The following PTPN3 variants were observed in gnomAD, a reference collection of about 807,000 sequenced individuals.
The protein encoded by PTPN3 is protein tyrosine phosphatase non-receptor type 3.
Under a neutral mutation model 132.7 loss-of-function variants are expected in PTPN3, and 96 were observed. That is an observed-to-expected ratio of 0.72 (90% CI 0.61 to 0.86). The LOEUF (loss-of-function observed/expected upper bound fraction) is 0.86, where lower values mean the gene tolerates loss of function less well. PTPN3 is among the 40% of genes least tolerant of loss of function. PTPN3 has a pLI of 0.00. For missense variants in PTPN3, 1,125 were observed against 1,159.6 expected (o/e 0.97, Z 0.43); for synonymous variants, 398 against 429.0 (o/e 0.93, Z 0.89).
chr9:109,488,074 C>CG (rs1158831319), intron 1 of PTPN3, among the ~76,000 whole-genome samples: 2 of 140,404 alleles, frequency 1.4e-5, no homozygotes, highest in Non-Finnish European at 3.1e-5. Context: ...TGTGTGGGGT[C>CG]GGGGGGAGGA....
chr9:109,519,538 T>C, the PTPN3 span, among the ~76,000 whole-genome samples: 1 of 152,212 alleles, frequency 6.6e-6, no homozygotes, highest in African/African-American at 2.4e-5. Context: ...ATGAGGAAAC[T>C]GTGGCCCAGG....
the PTPN3 span, chr9:109,533,307 G>A: frequency 7.2e-6 from 3 of 414,876 alleles, no homozygotes; most frequent in East Asian, 5.5e-5. Flanking sequence ...ACCGCGCCCG[G>A]CTAATTTTTT....
chr9:109,534,160 G>A, the PTPN3 span: 4 of 864,938 alleles, frequency 4.6e-6, no homozygotes, highest in Admixed American at 5.1e-5. Context: ...CAAAACCTTC[G>A]TTGCGATGAC....
At chr9:109,500,563 A>G (rs542585670), upstream of PTPN3, among the ~76,000 whole-genome samples, 1 of 152,170 alleles carries the variant, frequency 6.6e-6, no homozygotes, top group Admixed American at 6.5e-5. Flanking sequence ...AATAATAACT[A>G]TCTTACACTA....
At chr9:109,380,465 A>G (rs998924077) in intron 25 of PTPN3, among the ~76,000 whole-genome samples, 6 of 152,204 alleles carry the variant, frequency 3.9e-5, no homozygotes, top group Non-Finnish European at 8.8e-5. Flanking sequence ...TATGTTAGCC[A>G]GGCTGGTCTT....
At chr9:109,505,434 G>A in the PTPN3 span, among the ~76,000 whole-genome samples, 1 of 152,062 alleles carries the variant, frequency 6.6e-6, no homozygotes. Flanking sequence ...CACCACACCT[G>A]GCTAATTTTT....
chr9:109,534,249 G>C, the PTPN3 span: 3 of 1,506,046 alleles, frequency 2.0e-6, no homozygotes, highest in Non-Finnish European at 2.7e-6. Flanking sequence ...CCGTAGTGCC[G>C]GGCGTGGTGT....
chr9:109,494,251 G>A (rs1847584128), intron 1 of PTPN3, among the ~76,000 whole-genome samples: 1 of 152,220 alleles, frequency 6.6e-6, no homozygotes, highest in African/African-American at 2.4e-5. Flanking sequence ...CAGGAGGACT[G>A]TTTGAGCCCA....
At chr9:109,468,313 T>C (rs1034422276) in intron 1 of PTPN3, among the ~76,000 whole-genome samples, 1 of 152,230 alleles carries the variant, frequency 6.6e-6, no homozygotes, top group Admixed American at 6.5e-5. Context: ...AGCTTTAGAA[T>C]GTTTTAAACA....
chr9:109,491,753 C>A (rs1296981858), intron 1 of PTPN3, among the ~76,000 whole-genome samples: 1 of 152,184 alleles, frequency 6.6e-6, no homozygotes, highest in African/African-American at 2.4e-5. Flanking sequence ...AGCTGAGACC[C>A]ACAGGATGAA....
the PTPN3 span, among the ~76,000 whole-genome samples, chr9:109,526,836 G>A: frequency 4.6e-5 from 7 of 152,138 alleles, no homozygotes; most frequent in Middle Eastern, 3.2e-3. Flanking sequence ...AAAGGAAATA[G>A]AATAGAGATT....
intron 21 of PTPN3, among the ~76,000 whole-genome samples, chr9:109,390,774 T>A (rs1378653029): frequency 1.3e-5 from 2 of 152,048 alleles, no homozygotes; most frequent in Non-Finnish European, 2.9e-5. Context: ...ATTTTTTTTT[T>A]AAGGCAGGAT....
chr9:109,388,458 G>A (rs76291262), intron 22 of PTPN3, among the ~76,000 whole-genome samples: 2,591 of 152,242 alleles, frequency 0.017, 69 homozygotes, highest in African/African-American at 0.06. Flanking sequence ...AGAAAGAAAG[G>A]GCTGGGAAAC....
intron 14 of PTPN3, among the ~76,000 whole-genome samples, chr9:109,411,901 G>C (rs967518833): frequency 2.0e-5 from 3 of 152,176 alleles, no homozygotes; most frequent in East Asian, 3.9e-4. Context: ...TGGCTGGTTG[G>C]GGGTAGGGTG....
At chr9:109,400,301 A>G (rs1840981339) in intron 19 of PTPN3, among the ~76,000 whole-genome samples, 2 of 152,186 alleles carry the variant, frequency 1.3e-5, no homozygotes, top group Non-Finnish European at 2.9e-5. Flanking sequence ...ATAAATAATA[A>G]CAGCTATTAC....
chr9:109,392,963 A>G (rs1227753087), intron 19 of PTPN3: 1 of 152,202 alleles, frequency 6.6e-6, no homozygotes, highest in South Asian at 2.1e-4. Context: ...GAAGATAGTA[A>G]GTATTCCTTA....
rs34232860 is a variant in PTPN3 at position 109,471,671 on chromosome 9, CT to C, written c.-17-8221del. ...GGTTTTACTTGTCATATGGAAGGCA[CT>C]TTTTTTTTTTTTAAAGAGACAGGGT... On this transcript the variant is annotated intron_variant, in intron 1 of 25. Coordinates refer to ENST00000374541, the MANE Select transcript of PTPN3 (RefSeq NM_002829.4). 8.7e-3 allele frequency among the ~76,000 whole-genome samples: 1,288 copies of C among 147,336 alleles called. 9 individuals are homozygous for C. Among genetic ancestry groups the C allele is most frequent in the African/African-American group, 0.029 (1,151 of 40,184 alleles).
chr9:109,479,262 C>A (rs57161772), intron 1 of PTPN3, among the ~76,000 whole-genome samples: 2 of 152,328 alleles, frequency 1.3e-5, no homozygotes, highest in African/African-American at 4.8e-5. Flanking sequence ...AGTCTAGATA[C>A]ATCAGTGGAA....
intron 1 of PTPN3, among the ~76,000 whole-genome samples, chr9:109,481,430 C>G (rs1846953591): frequency 6.6e-6 from 1 of 152,190 alleles, no homozygotes; most frequent in Admixed American, 6.5e-5. Context: ...CCACCAGGGT[C>G]TCATGCTTCT....
Sources: allele counts gnomAD v4.1 joint callset (sites outside exome capture counted in the v4.1 genomes callset), GRCh38; gene constraint gnomAD v4.1.1; transcripts MANE v1.5; gene names NCBI Gene and HGNC (gene_info 2026-07-23, HGNC 2026-07-21).